NPHP4: variants seen among roughly 807,000 people sequenced by gnomAD.
NPHP4 encodes the protein nephrocystin-4.
Under a neutral mutation model 155.8 loss-of-function variants are expected in NPHP4, and 151 were observed. That is an observed-to-expected ratio of 0.97 (90% CI 0.85 to 1.11). NPHP4 has a LOEUF of 1.11. NPHP4 is among the 50% of genes least tolerant of loss of function. The pLI is 0.00. For synonymous variants in NPHP4, 845 were observed against 816.8 expected (o/e 1.03, Z -0.59); for missense variants, 1,956 against 1,925.7 (o/e 1.02, Z -0.29).
At chr1:5,894,692 A>G (rs1644306707) in intron 16 of NPHP4, among the ~76,000 whole-genome samples, 1 of 152,216 alleles carries the variant, frequency 6.6e-6, no homozygotes, top group Non-Finnish European at 1.5e-5. Context: ...AGCTCAAAAA[A>G]AAAATAGGAA....
At chr1:5,983,403 C>G (rs1207060787) in intron 2 of NPHP4, among the ~76,000 whole-genome samples, 1 of 152,210 alleles carries the variant, frequency 6.6e-6, no homozygotes, top group African/African-American at 2.4e-5. Flanking sequence ...TGTTTATGTA[C>G]TGTGGCTTAT....
At chr1:5,901,967 G>T (rs1644704764) in intron 16 of NPHP4, among the ~76,000 whole-genome samples, 3 of 152,126 alleles carry the variant, frequency 2.0e-5, no homozygotes, top group Admixed American at 2.0e-4. Context: ...AAAGACAAAG[G>T]CCACACCCCT....
rs375819124 is a variant in NPHP4, at chr1:5,874,571, C to A, written c.3131G>T (p.Arg1044Leu). Residue 1044 changes from arginine to leucine, a missense_variant, in exon 22 of 30, where the codon CGT (arginine) becomes CTT (leucine). Arg to Leu is a moderately radical substitution (Grantham distance 102). Transcript: ENST00000378156. ...GTAGAGCTGGGGGGCCAGGCTGCCA[C>A]GCAGGTGGAACATGTCCTCCTCCAC... ...TPVEEDMFHL[R>L]GSLAPQLYLR... 6.8e-6 allele frequency: 11 copies of A among 1,608,692 alleles called. No individual in the cohort carries two copies. The South Asian group carries it at 8.9e-5, about 13-fold the overall frequency.
At chr1:5,948,700 G>A (rs751873362) in intron 7 of NPHP4, among the ~76,000 whole-genome samples, 1 of 152,038 alleles carries the variant, frequency 6.6e-6, no homozygotes, top group Non-Finnish European at 1.5e-5. Flanking sequence ...CCTGGACGAC[G>A]ATGGAGAGGT....
chr1:5,898,832 A>C (rs541494783), intron 16 of NPHP4, among the ~76,000 whole-genome samples: 1 of 151,004 alleles, frequency 6.6e-6, no homozygotes, highest in South Asian at 2.1e-4. Flanking sequence ...TATCAATTCA[A>C]ACCCACACAT....
intron 1 of NPHP4, among the ~76,000 whole-genome samples, chr1:5,991,014 G>A (rs1162612643): frequency 1.3e-5 from 2 of 152,192 alleles, no homozygotes; most frequent in South Asian, 2.1e-4. Context: ...GTGACTGTGA[G>A]CAGCAACAGG....
intron 18 of NPHP4, chr1:5,887,053 C>G (rs890877514): frequency 1.9e-6 from 1 of 522,358 alleles, no homozygotes. Context: ...CAGGAGAGCC[C>G]GAGATGACTG....
At chr1:5,954,346 G>A (rs1448018312) in intron 6 of NPHP4, among the ~76,000 whole-genome samples, 5 of 152,198 alleles carry the variant, frequency 3.3e-5, no homozygotes, top group African/African-American at 1.2e-4. Context: ...GAAAAGAATA[G>A]TAACATATGA....
At chr1:5,865,451 G>A (rs1641119911) in intron 26 of NPHP4, 178 bp from the exon 27 acceptor site, 1 of 538,424 alleles carries the variant, frequency 1.9e-6, no homozygotes, top group Non-Finnish European at 3.2e-6. Context: ...GGAGGACCAG[G>A]CCCCAGGAGG....
chr1:5,897,309 G>A (rs1027595759), intron 16 of NPHP4, among the ~76,000 whole-genome samples: 3 of 152,110 alleles, frequency 2.0e-5, no homozygotes, highest in East Asian at 1.9e-4. Context: ...AAAAAATGTC[G>A]CCAAGAATTC....
intron 6 of NPHP4, among the ~76,000 whole-genome samples, chr1:5,953,536 C>T (rs1005755101): frequency 6.6e-6 from 1 of 152,248 alleles, no homozygotes; most frequent in Admixed American, 6.5e-5. Flanking sequence ...CCAGCCACGC[C>T]GCTCCTTACT....
intron 5 of NPHP4, among the ~76,000 whole-genome samples, chr1:5,964,917 T>TATATATATA (rs1553194702): frequency 1.5e-4 from 12 of 82,626 alleles, no homozygotes; most frequent in African/African-American, 5.0e-4. Context: ...TACATATATA[T>TATATATATA]TATATATATA....
At chr1:5,987,116 A>ACAAAGTCTCTTGTTGCTACATGG (rs1557898294) in intron 1 of NPHP4, among the ~76,000 whole-genome samples, 3 of 151,602 alleles carry the variant, frequency 2.0e-5, no homozygotes, top group Non-Finnish European at 4.4e-5. Context: ...CAGCTACATG[A>ACAAAGTCTCTTGTTGCTACATGG]ACAAAGTCTC....
At position 5,899,168 on chromosome 1, in the gene NPHP4, G is replaced by A. The variant is rs547456940; in HGVS notation, c.2143+5449C>T. On this transcript the variant is annotated intron_variant, in intron 16 of 29. Coordinates refer to ENST00000378156, the MANE Select transcript of NPHP4 (RefSeq NM_015102.5). ...ACAGGTGCTGCTCCACAACCCAGCC[G>A]TTCACTACCAGGCATATCTCTAACA... Among the ~76,000 whole-genome samples, 13 of 152,244 alleles carry A rather than the reference G, an allele frequency of 8.5e-5. No homozygotes were observed. In the South Asian group the frequency reaches 1.5e-3, roughly 17 times the overall value.
At chr1:5,970,124 C>A (rs556216370) in intron 3 of NPHP4, among the ~76,000 whole-genome samples, 2 of 152,176 alleles carry the variant, frequency 1.3e-5, no homozygotes, top group East Asian at 1.9e-4. Flanking sequence ...GCATCTCATA[C>A]GGGCGCTCCC....
rs748453861 is a variant in NPHP4 at position 5,873,238 on chromosome 1, C to T, written c.3315+14G>A. 9.3e-6 allele frequency: 15 copies of T among 1,607,368 alleles called. No homozygotes were observed. The Admixed American group carries it at 1.0e-4, about 11-fold the overall frequency. On this transcript the variant is annotated intron_variant, in intron 23 of 29. Coordinates refer to ENST00000378156, the MANE Select transcript of NPHP4 (RefSeq NM_015102.5). ...GAAGCCCCGAGATCAGTTTGTCCTC[C>T]GTTGCCCCTTTACCTTGGCGTGTTT...
At chr1:5,942,780 A>G (rs1557791925) in intron 9 of NPHP4, among the ~76,000 whole-genome samples, 1 of 152,192 alleles carries the variant, frequency 6.6e-6, no homozygotes, top group East Asian at 1.9e-4. Context: ...GAGTTAATAC[A>G]TAAACAATAA....
rs1327984771 is a variant in NPHP4, at chr1:5,948,185, T to G, written c.877A>C (p.Asn293His). 3.7e-6 allele frequency: 6 copies of G among 1,612,032 alleles called. No homozygotes were observed. The highest frequency in any genetic ancestry group is 2.2e-5 in the East Asian group (1 of 44,836). ...LERRLRVGVH[N>H]GLGFVQRPQV... The stretch of plus-strand genomic sequence containing the variant: ...GGCCTCTGCACGAAGCCCAGACCAT[T>G]GTGCACGCCCACACGCAGGCGCCGC... The change falls in exon 8 of 30, where the codon AAT becomes CAT. Residue 293 changes from asparagine to histidine, a missense_variant. Physicochemically the swap from Asn to His is moderately conservative, Grantham distance 68. Coordinates refer to ENST00000378156, the MANE Select transcript of NPHP4 (RefSeq NM_015102.5).
intron 7 of NPHP4, among the ~76,000 whole-genome samples, chr1:5,951,717 G>A (rs72857494): frequency 0.053 from 8,054 of 152,250 alleles, 692 homozygotes; most frequent in African/African-American, 0.18. Context: ...ACAGATTATC[G>A]CCTAGAAAAC....
Sources: gnomAD v4.1 joint callset for allele counts (sites outside exome capture counted in the v4.1 genomes callset) on GRCh38, gnomAD v4.1.1 for gene constraint, MANE v1.5 for transcripts, NCBI Gene and HGNC (gene_info 2026-07-23, HGNC 2026-07-21) for gene names.